CCDC28B: variants seen among roughly 807,000 people sequenced by gnomAD.
The protein encoded by CCDC28B is coiled-coil domain-containing protein 28B.
Under a neutral mutation model 18.7 loss-of-function variants are expected in CCDC28B, and 17 were observed. The observed-to-expected ratio is 0.91, with a 90% CI of 0.62 to 1.36. The LOEUF (loss-of-function observed/expected upper bound fraction) is 1.36. Among genes scored for constraint, CCDC28B ranks in the 40% most tolerant of loss-of-function variants. The pLI is 0.00. For missense variants in CCDC28B, 213 were observed against 251.7 expected (o/e 0.85, Z 1.04); for synonymous variants, 116 against 105.1 (o/e 1.10, Z -0.64).
At chr1:32,202,567 T>C in intron 2 of CCDC28B, 1 of 341,964 alleles carries the variant, frequency 2.9e-6, no homozygotes, top group Non-Finnish European at 5.8e-6. Flanking sequence ...TCCATGTTTG[T>C]TCCCCACTAA....
intron 2 of CCDC28B, chr1:32,202,569 C>T (rs920773056): frequency 3.8e-5 from 13 of 340,650 alleles, no homozygotes; most frequent in Admixed American, 8.0e-5. Flanking sequence ...CATGTTTGTT[C>T]CCCACTAAAT....
Position 32,202,319 on chromosome 1 carries a change from C to T in CCDC28B, c.164+220C>T, listed in dbSNP as rs147447661. On this transcript the variant is annotated intron_variant, in intron 2 of 5. Coordinates refer to ENST00000373602, the MANE Select transcript of CCDC28B (RefSeq NM_024296.5). ...ACTGGGATCACATAGCGTGAGGATTCGCCTCAGAGGAGGGAGTGAGCAACT... is the reference window on the plus strand; with the variant it reads ...ACTGGGATCACATAGCGTGAGGATTTGCCTCAGAGGAGGGAGTGAGCAACT... 1.4e-3 allele frequency: 951 copies of T among 696,966 alleles called. 13 individuals are homozygous for T. In the Admixed American group the frequency reaches 0.018, roughly 13 times the overall value. 43.2% of individuals were successfully genotyped at this position (696,966 alleles called of 1,614,324 possible).
At chr1:32,196,991 G>A (rs1048331914), upstream of CCDC28B, 1 of 152,274 alleles carries the variant, frequency 6.6e-6, no homozygotes, top group Non-Finnish European at 1.5e-5. Context: ...CTGTGTGAGT[G>A]TTGAGATCTC....
In CCDC28B at chr1:32,201,906, CT is replaced by C; in HGVS notation, c.-23-6del. On this transcript the variant is annotated splice_region_variant and splice_polypyrimidine_tract_variant and intron_variant, in intron 1 of 5. Transcript: ENST00000373602. The stretch of plus-strand genomic sequence containing the variant: ...TGGCTATCTTTGTGGGGTTGCTTCC[CT>C]CCTAGGCCTGAGGCCCAGCCAGCGC... The C allele has an allele frequency of 6.4e-7, 1 of 1,567,722 alleles. No individual in the cohort carries two copies. The highest frequency in any genetic ancestry group is 8.6e-7 in the Non-Finnish European group (1 of 1,159,180).
At chr1:32,200,844 C>T (rs919136247) in intron 1 of CCDC28B, 135 bp downstream of exon 1, 2 of 152,232 alleles carry the variant, frequency 1.3e-5, no homozygotes, top group Non-Finnish European at 2.9e-5. Flanking sequence ...AAATAGATCC[C>T]CGGTCGCCCC....
chr1:32,204,900 C>G (rs997338883), intron 5 of CCDC28B: 17 of 1,478,762 alleles, frequency 1.1e-5, no homozygotes, highest in Non-Finnish European at 1.5e-5. Context: ...TCCTCCTATC[C>G]TTTCAGCATT....
chr1:32,204,074 T>C (rs1428489330), intron 3 of CCDC28B, 29 bp downstream of exon 3: 1 of 1,566,388 alleles, frequency 6.4e-7, no homozygotes, highest in Non-Finnish European at 8.7e-7. Context: ...TTTCAGCGGG[T>C]GTGTGGATAG....
rs759604190 is a variant in CCDC28B, at chr1:32,205,030, G to T, written c.549-164G>T. 14 of 1,170,874 alleles carry T rather than the reference G, an allele frequency of 1.2e-5. 2 individuals are homozygous for T. In the Middle Eastern group the frequency reaches 2.3e-3, roughly 193 times the overall value. 72.5% of individuals were successfully genotyped at this position (1,170,874 alleles called of 1,614,324 possible). A position where few individuals can be genotyped will look rare whatever the true frequency, so the allele number is the denominator to read the frequency against. ...CTGCACGATCTGGATGAAGAGAGAG[G>T]GGGTGAGAGAGGGCAGGCGGGGACT... On this transcript the variant is annotated intron_variant, in intron 5 of 5. Coordinates refer to ENST00000373602, the MANE Select transcript of CCDC28B (RefSeq NM_024296.5). This position sits in a 1 kb window ranked among gnomAD's most constrained non-coding sequence, Gnocchi z 5.6.
chr1:32,204,641 G>A (rs1483414042), intron 5 of CCDC28B, 21 bp downstream of exon 5: 3 of 1,609,832 alleles, frequency 1.9e-6, no homozygotes, highest in East Asian at 4.5e-5. Flanking sequence ...CAAGGAACCC[G>A]TCTATGTGTG....
At position 32,205,311 on chromosome 1, in the gene CCDC28B, C is replaced by G. The variant is rs779955937; in HGVS notation, c.*63C>G. On this transcript the variant is annotated 3_prime_UTR_variant, in exon 6 of 6. Coordinates refer to ENST00000373602, the MANE Select transcript of CCDC28B (RefSeq NM_024296.5). The surrounding 1 kb of genome is among the most constrained non-coding windows in gnomAD (Gnocchi z 5.6). ...TTCAAACTGTGACTTTTTACAGACT[C>G]GGGCGGGTGTTCTGCGGCCCCCCAG... 2 of 1,493,384 alleles carry G rather than the reference C, an allele frequency of 1.3e-6. No individual in the cohort carries two copies. Among genetic ancestry groups the G allele is most frequent in the Admixed American group, 4.3e-5 (2 of 46,380 alleles). The allele number at this position is 1,493,384 out of a possible 1,614,324, so 92.5% of individuals were successfully genotyped here.
upstream of CCDC28B, chr1:32,196,207 G>A (rs192785560): frequency 3.3e-3 from 513 of 153,792 alleles, 5 homozygotes; most frequent in Non-Finnish European, 3.2e-3. Context: ...TGATGGCTTT[G>A]CCACAAGCTT....
At chr1:32,199,224 C>T (rs887852318), upstream of CCDC28B, among the ~76,000 whole-genome samples, 3 of 152,216 alleles carry the variant, frequency 2.0e-5, no homozygotes, top group Non-Finnish European at 4.4e-5. Context: ...AACCCACCTG[C>T]CCTTCCCTCC....
chr1:32,199,607 G>A (rs1643104300), upstream of CCDC28B, among the ~76,000 whole-genome samples: 1 of 152,212 alleles, frequency 6.6e-6, no homozygotes, highest in Non-Finnish European at 1.5e-5. Flanking sequence ...CCCTTGTGGA[G>A]TGTTCTGAGT....
chr1:32,205,367 A>C lies in CCDC28B; in HGVS notation c.*119A>C. The stretch of plus-strand genomic sequence containing the variant: ...ATGGGGGAGGGGGGCGTTGAATGGA[A>C]TTAAACCAGAAAGAAAGCAAGCGGC... On this transcript the variant is annotated 3_prime_UTR_variant, in exon 6 of 6. Transcript: ENST00000373602. This position sits in a 1 kb window ranked among gnomAD's most constrained non-coding sequence, Gnocchi z 5.6. 9.4e-7 allele frequency: 1 copy of C among 1,063,764 alleles called. No individual in the cohort carries two copies. Among genetic ancestry groups the C allele is most frequent in the Non-Finnish European group, 1.3e-6 (1 of 743,838 alleles). The allele number at this position is 1,063,764 out of a possible 1,614,324, so 65.9% of individuals were successfully genotyped here.
chr1:32,197,835 T>A (rs1643057694), upstream of CCDC28B: 1 of 152,234 alleles, frequency 6.6e-6, no homozygotes, highest in African/African-American at 2.4e-5. The surrounding 1 kb of genome is among the most constrained non-coding windows in gnomAD (Gnocchi z 4.6). Context: ...ATTTGTTGTT[T>A]GTTTTCCATG....
At chr1:32,204,150 C>A (rs1473983935) in intron 3 of CCDC28B, 36 bp from the exon 4 acceptor site, 2 of 1,612,166 alleles carry the variant, frequency 1.2e-6, no homozygotes, top group Non-Finnish European at 1.7e-6. Flanking sequence ...GGTTCCAGGA[C>A]TCTTTCCCAG....
At chr1:32,198,538 A>G (rs1389303419), upstream of CCDC28B, among the ~76,000 whole-genome samples, 1 of 152,180 alleles carries the variant, frequency 6.6e-6, no homozygotes, top group Non-Finnish European at 1.5e-5. Flanking sequence ...CACACACAAA[A>G]AAGTTTTCCC....
At chr1:32,202,390 AAT>A in intron 2 of CCDC28B, 1 of 576,864 alleles carries the variant, frequency 1.7e-6, no homozygotes, top group Non-Finnish European at 3.3e-6. Context: ...ACCTGGTATA[AAT>A]ATGGAAGAAA....
chr1:32,204,894 CCTAT>C, intron 5 of CCDC28B: 1 of 1,490,158 alleles, frequency 6.7e-7, no homozygotes, highest in Non-Finnish European at 9.0e-7. Flanking sequence ...CCGATGTCCT[CCTAT>C]CCTTTCAGCA....
Sources: gnomAD v4.1 joint callset for allele counts (sites outside exome capture counted in the v4.1 genomes callset) on GRCh38, gnomAD v4.1.1 for gene constraint, Gnocchi (gnomAD v3.1) non-coding constraint, MANE v1.5 for transcripts, NCBI Gene and HGNC (gene_info 2026-07-23, HGNC 2026-07-21) for gene names.